Variants in SPATA17 observed in about 807,000 individuals in gnomAD.
SPATA17 encodes the protein spermatogenesis associated 17.
Under a neutral mutation model 62.2 loss-of-function variants are expected in SPATA17, and 53 were observed. The observed-to-expected ratio is 0.85, with a 90% CI of 0.68 to 1.07. The LOEUF is 1.07. Among genes scored for constraint, SPATA17 ranks in the 50% least tolerant of loss-of-function variants. The probability of loss-of-function intolerance (pLI) is 0.00; values close to 1 mark genes in which losing one functional copy is unlikely to be tolerated. For synonymous variants in SPATA17, 146 were observed against 146.8 expected (o/e 0.99, Z 0.04); for missense variants, 466 against 425.5 (o/e 1.10, Z -0.84).
rs61328984 is a variant in SPATA17, at chr1:217,828,539, CA to C, written c.1005+26699del. Among the ~76,000 whole-genome samples, 18 of 128,500 alleles carry C rather than the reference CA, an allele frequency of 1.4e-4. 1 individual carries two copies. Among genetic ancestry groups the C allele is most frequent in the Admixed American group, 3.3e-4 (4 of 12,120 alleles). The allele number at this position is 128,500 out of a possible 152,430, so 84.3% of individuals were successfully genotyped here. ...GGAAATGATTTTTTGAATATCACACCAAAAAAAAAAGGCTACCAAAACAAAA... is the reference window on the plus strand; with the variant it reads ...GGAAATGATTTTTTGAATATCACACCAAAAAAAAAGGCTACCAAAACAAAA... On this transcript the variant is annotated intron_variant, in intron 9 of 10. Transcript: ENST00000366933.
chr1:217,631,354 G>C lies in SPATA17; in HGVS notation c.-25G>C, dbSNP rs781683510. The C allele has an allele frequency of 1.2e-6, 2 of 1,614,092 alleles. No individual in the cohort carries two copies. Among genetic ancestry groups the C allele is most frequent in the East Asian group, 4.5e-5 (2 of 44,866 alleles). ...ACCATGGAGACCGGTAGTAACACCA[G>C]TTGTAAACCCAAGGCCAAGAGACCA... On this transcript the variant is annotated 5_prime_UTR_variant, in exon 1 of 11. Transcript: ENST00000366933.
intron 5 of SPATA17, among the ~76,000 whole-genome samples, chr1:217,693,280 G>C (rs1353500067): frequency 5.4e-5 from 7 of 130,584 alleles, no homozygotes; most frequent in Admixed American, 3.2e-4. Context: ...TATTTGCGTA[G>C]AGGTGTTTGT....
At chr1:217,850,615 T>C in intron 9 of SPATA17, 1 of 1,594,416 alleles carries the variant, frequency 6.3e-7, no homozygotes, top group Non-Finnish European at 8.6e-7. Context: ...CCAGTCAGGG[T>C]CTTCACGAAG....
intron 5 of SPATA17, among the ~76,000 whole-genome samples, chr1:217,728,125 G>A (rs934841691): frequency 2.0e-5 from 3 of 152,040 alleles, no homozygotes; most frequent in Non-Finnish European, 2.9e-5. Flanking sequence ...CATACTAGAA[G>A]TTTAGTTTTT....
At chr1:217,655,959 T>C (rs888283066) in intron 3 of SPATA17, among the ~76,000 whole-genome samples, 1 of 152,132 alleles carries the variant, frequency 6.6e-6, no homozygotes, top group African/African-American at 2.4e-5. Flanking sequence ...CTTATGCATA[T>C]AAGACATTCC....
At chr1:217,722,200 T>C (rs1012076830) in intron 5 of SPATA17, among the ~76,000 whole-genome samples, 9 of 152,188 alleles carry the variant, frequency 5.9e-5, no homozygotes, top group Non-Finnish European at 1.3e-4. Flanking sequence ...ACACAGACTT[T>C]AGCATGCTTT....
chr1:217,828,281 G>A (rs1186525195), intron 9 of SPATA17, among the ~76,000 whole-genome samples: 2 of 151,850 alleles, frequency 1.3e-5, no homozygotes, highest in Admixed American at 6.6e-5. Context: ...TGAAACATAT[G>A]TGGTCAACTA....
intron 1 of SPATA17, among the ~76,000 whole-genome samples, chr1:217,631,924 T>C (rs1330476270): frequency 6.6e-6 from 1 of 152,188 alleles, no homozygotes; most frequent in African/African-American, 2.4e-5. Flanking sequence ...GGCTCACGCC[T>C]GTAATCCCAG....
intron 9 of SPATA17, among the ~76,000 whole-genome samples, chr1:217,828,992 G>A (rs1238045252): frequency 6.6e-6 from 1 of 152,030 alleles, no homozygotes; most frequent in African/African-American, 2.4e-5. Context: ...CACTGTTGAT[G>A]GAATGCCAAT....
chr1:217,646,380 T>C (rs1054999168), intron 1 of SPATA17, among the ~76,000 whole-genome samples: 3 of 152,200 alleles, frequency 2.0e-5, no homozygotes, highest in Non-Finnish European at 4.4e-5. Flanking sequence ...AATTTTGGGA[T>C]GTTGCTATAG....
chr1:217,651,580 A>G (rs1670314407), intron 3 of SPATA17, among the ~76,000 whole-genome samples: 1 of 152,184 alleles, frequency 6.6e-6, no homozygotes, highest in Non-Finnish European at 1.5e-5. Context: ...CCTCATAAGG[A>G]CGCTAAACTG....
intron 5 of SPATA17, among the ~76,000 whole-genome samples, chr1:217,736,456 G>T (rs1318053236): frequency 6.6e-6 from 1 of 152,144 alleles, no homozygotes; most frequent in African/African-American, 2.4e-5. Flanking sequence ...AAGTTATACG[G>T]AAGAAAAACA....
Position 217,801,849 on chromosome 1 carries a change from A to G in SPATA17, c.1004A>G (p.Lys335Arg). The G allele has an allele frequency of 6.3e-7, 1 of 1,599,276 alleles. No homozygotes were observed. The highest frequency in any genetic ancestry group is 8.5e-7 in the Non-Finnish European group (1 of 1,176,124). The change falls in exon 9 of 11, where the codon AAG becomes AGG. Residue 335 changes from lysine to arginine, a missense_variant and splice_region_variant. Transcript: ENST00000366933. ...AATCCTAAGAAATGGATCTGTGACAAGGTGAGTTAACAAAACATTTTAAAA... is the reference window on the plus strand; with the variant it reads ...AATCCTAAGAAATGGATCTGTGACAGGGTGAGTTAACAAAACATTTTAAAA... The part of the protein sequence containing the change: ...SENPKKWICD[K>R]DFQTVLPSFE...
intron 2 of SPATA17, among the ~76,000 whole-genome samples, chr1:217,649,275 T>C (rs1670254934): frequency 6.6e-6 from 1 of 152,058 alleles, no homozygotes; most frequent in South Asian, 2.1e-4. Context: ...GGTCAGGAGT[T>C]TGAGATCAGC....
At chr1:217,788,603 A>T (rs1257956287) in intron 8 of SPATA17, among the ~76,000 whole-genome samples, 1 of 152,104 alleles carries the variant, frequency 6.6e-6, no homozygotes, top group African/African-American at 2.4e-5. Context: ...GAGTGATGCA[A>T]TGTGAGGAGG....
intron 9 of SPATA17, among the ~76,000 whole-genome samples, chr1:217,848,870 T>G (rs978508141): frequency 6.6e-6 from 1 of 152,132 alleles, no homozygotes; most frequent in Non-Finnish European, 1.5e-5. Flanking sequence ...TTATATTCCT[T>G]ATTTCCATTT....
At chr1:217,800,762 C>T (rs1446227405) in intron 8 of SPATA17, among the ~76,000 whole-genome samples, 1 of 152,128 alleles carries the variant, frequency 6.6e-6, no homozygotes, top group Admixed American at 6.5e-5. Context: ...TTTCTATCTT[C>T]CTTCCACCTG....
intron 3 of SPATA17, among the ~76,000 whole-genome samples, chr1:217,654,870 G>T (rs970946834): frequency 6.6e-6 from 1 of 151,902 alleles, no homozygotes; most frequent in African/African-American, 2.4e-5. Context: ...GTGCCACCAC[G>T]CCCGGCTAAT....
chr1:217,699,948 A>C (rs948316118), intron 5 of SPATA17, among the ~76,000 whole-genome samples: 1 of 152,126 alleles, frequency 6.6e-6, no homozygotes, highest in Non-Finnish European at 1.5e-5. Context: ...TTGCTTTTGC[A>C]CCTTGTCAAA....
Sources: gnomAD v4.1 joint callset for allele counts (sites outside exome capture counted in the v4.1 genomes callset) on GRCh38, gnomAD v4.1.1 for gene constraint, MANE v1.5 for transcripts, NCBI Gene and HGNC (gene_info 2026-07-23, HGNC 2026-07-21) for gene names.